TMBIM4: variants seen among roughly 807,000 people sequenced by gnomAD.
The protein encoded by TMBIM4 is protein lifeguard 4.
In TMBIM4, 28 loss-of-function variants were observed where a neutral mutation model predicts 27.7. The ratio of observed to expected loss-of-function variants is 1.01; its 90% CI spans 0.75 to 1.38. The LOEUF is 1.38. Ranked by LOEUF, TMBIM4 falls within the 40% of genes most tolerant of loss-of-function variation. The pLI is 0.00. For missense variants in TMBIM4, 265 were observed against 277.5 expected (o/e 0.95, Z 0.32); for synonymous variants, 115 against 113.1 (o/e 1.02, Z -0.11).
chr12:66,161,336 C>T (rs1195420061), intron 1 of TMBIM4, among the ~76,000 whole-genome samples: 1 of 152,122 alleles, frequency 6.6e-6, no homozygotes, highest in African/African-American at 2.4e-5. Context: ...CGCCTCCCAG[C>T]TTCAAGTGAT....
chr12:66,144,367 C>T (rs910532605), intron 5 of TMBIM4, among the ~76,000 whole-genome samples: 5 of 152,218 alleles, frequency 3.3e-5, no homozygotes, highest in African/African-American at 4.8e-5. Flanking sequence ...ATGGAATTAT[C>T]AAATCAAAAT....
At chr12:66,142,544 G>A (rs1486527554) in intron 5 of TMBIM4, among the ~76,000 whole-genome samples, 3 of 151,554 alleles carry the variant, frequency 2.0e-5, no homozygotes, top group Non-Finnish European at 2.9e-5. Context: ...ATGCTAAGAG[G>A]GCCACATGAC....
chr12:66,160,093 T>G (rs1243235515), intron 1 of TMBIM4: 1 of 662,310 alleles, frequency 1.5e-6, no homozygotes, highest in Non-Finnish European at 2.7e-6. Context: ...CTACAACTGC[T>G]TTTGCACAAT....
At chr12:66,151,278 G>A (rs1178686077) in intron 3 of TMBIM4, among the ~76,000 whole-genome samples, 2 of 152,124 alleles carry the variant, frequency 1.3e-5, no homozygotes, top group East Asian at 3.9e-4. Flanking sequence ...CTGTCACTCA[G>A]GCTGGAGTTT....
At chr12:66,147,991 T>A (rs1331238987) in intron 3 of TMBIM4, 50 bp from the exon 4 acceptor site, 1 of 1,531,844 alleles carries the variant, frequency 6.5e-7, no homozygotes, top group South Asian at 1.2e-5. Flanking sequence ...TACTATCTCA[T>A]GTACATTTTC....
chr12:66,165,558 C>T (rs1245661040), intron 1 of TMBIM4, among the ~76,000 whole-genome samples: 1 of 152,052 alleles, frequency 6.6e-6, no homozygotes, highest in Non-Finnish European at 1.5e-5. Flanking sequence ...GTTAGGATTA[C>T]AGGCGTGAAC....
At chr12:66,145,705 A>G (rs2051740022) in intron 5 of TMBIM4, 136 bp downstream of exon 5, 1 of 536,468 alleles carries the variant, frequency 1.9e-6, no homozygotes, top group South Asian at 3.2e-5. Flanking sequence ...TGGCCCTAGT[A>G]CTCAAAGAGA....
intron 1 of TMBIM4, 55 bp from the exon 2 acceptor site, chr12:66,153,503 G>T (rs2136867419): frequency 9.3e-7 from 1 of 1,073,728 alleles, no homozygotes; most frequent in Non-Finnish European, 1.3e-6. Context: ...TCATAGAACA[G>T]TAAAATCAAA....
chr12:66,136,146 GTTTA>G lies in TMBIM4; in HGVS notation c.*1810_*1813del, dbSNP rs960854507. 4 of 146,320 alleles carry G rather than the reference GTTTA, an allele frequency of 2.7e-5. No homozygotes were observed. Among genetic ancestry groups the G allele is most frequent in the Admixed American group, 1.4e-4 (2 of 13,960 alleles). 9.1% of individuals were successfully genotyped at this position (146,320 alleles called of 1,614,324 possible). On this transcript the variant is annotated 3_prime_UTR_variant, in exon 7 of 7. Coordinates refer to ENST00000358230, the MANE Select transcript of TMBIM4 (RefSeq NM_016056.4). Reference sequence around the variant, plus strand: ...TGACATTAATTAAGCACTTAGTTTAGTTTATTTATCTATCTCATTTAATCCTTAT... The same window carrying G: ...TGACATTAATTAAGCACTTAGTTTAGTTTATCTATCTCATTTAATCCTTAT...
At chr12:66,161,145 C>A (rs1174208957) in intron 1 of TMBIM4, 1 of 152,286 alleles carries the variant, frequency 6.6e-6, no homozygotes, top group South Asian at 2.1e-4. Flanking sequence ...TTAGTAGCTT[C>A]ATGATTTGTT....
chr12:66,153,641 CT>C (rs1369910982), intron 1 of TMBIM4, among the ~76,000 whole-genome samples, 193 bp from the exon 2 acceptor site: 2 of 151,932 alleles, frequency 1.3e-5, no homozygotes, highest in African/African-American at 4.8e-5. Flanking sequence ...TAAGAGATAT[CT>C]AAACCTCTCT....
chr12:66,160,361 C>G, intron 1 of TMBIM4: 3 of 582,008 alleles, frequency 5.2e-6, no homozygotes, highest in Non-Finnish European at 9.3e-6. Flanking sequence ...TATCATTTCA[C>G]TTCCAAAAAT....
intron 1 of TMBIM4, among the ~76,000 whole-genome samples, chr12:66,156,602 T>C (rs370476497): frequency 2.0e-5 from 3 of 152,218 alleles, no homozygotes; most frequent in East Asian, 1.9e-4. Flanking sequence ...AACCATATCA[T>C]GTGACTCTGC....
intron 1 of TMBIM4, among the ~76,000 whole-genome samples, chr12:66,161,990 C>T (rs940007155): frequency 1.3e-5 from 2 of 152,088 alleles, no homozygotes; most frequent in Non-Finnish European, 2.9e-5. Context: ...TGCTTCTCTA[C>T]GTTGCTGTCA....
chr12:66,138,794 T>C, intron 5 of TMBIM4, 25 bp from the exon 6 acceptor site: 1 of 1,512,564 alleles, frequency 6.6e-7, no homozygotes, highest in South Asian at 1.3e-5. Flanking sequence ...TTTTAGTAAT[T>C]TGCAATATTG....
rs1181725128 is a variant in TMBIM4, at chr12:66,137,448, T to G, written c.*512A>C. On this transcript the variant is annotated 3_prime_UTR_variant, in exon 7 of 7. Transcript: ENST00000358230. ...GTCTCGCTCTGTCACCAGGCTGGAATGCAGTGGCGTGATCTTGGCTCAATG... is the reference window on the plus strand; with the variant it reads ...GTCTCGCTCTGTCACCAGGCTGGAAGGCAGTGGCGTGATCTTGGCTCAATG... 1 of 152,384 alleles carries G rather than the reference T, an allele frequency of 6.6e-6. No individual in the cohort carries two copies. The highest frequency in any genetic ancestry group is 1.5e-5 in the Non-Finnish European group (1 of 68,306). The allele number at this position is 152,384 out of a possible 1,614,324, so 9.4% of individuals were successfully genotyped here.
In TMBIM4 at chr12:66,137,841, ATTG is replaced by A. The variant is rs1329230503; in HGVS notation, c.*116_*118del. The stretch of plus-strand genomic sequence containing the variant: ...ATAAAGATTGTAACAGTATTTAATC[ATTG>A]TTTCAAACTTTATTACTTAATGAAA... On this transcript the variant is annotated 3_prime_UTR_variant, in exon 7 of 7. Coordinates refer to ENST00000358230, the MANE Select transcript of TMBIM4 (RefSeq NM_016056.4). 13 of 313,928 alleles carry A rather than the reference ATTG, an allele frequency of 4.1e-5. No individual in the cohort carries two copies. The highest frequency in any genetic ancestry group is 1.8e-4 in the East Asian group (3 of 16,476). The allele number at this position is 313,928 out of a possible 1,614,324, so 19.4% of individuals were successfully genotyped here.
chr12:66,138,718 A>G lies in TMBIM4; in HGVS notation c.510+6T>C. The stretch of plus-strand genomic sequence containing the variant: ...ATTTCAAATTAACCATTATAACATA[A>G]CTTACCTTCAAGAATCCTGACAGGC... On this transcript the variant is annotated splice_donor_region_variant and intron_variant, in intron 6 of 6. Transcript: ENST00000358230. 1 of 1,549,146 alleles carries G rather than the reference A, an allele frequency of 6.5e-7. No individual in the cohort carries two copies. Among genetic ancestry groups the G allele is most frequent in the Non-Finnish European group, 8.7e-7 (1 of 1,156,042 alleles).
intron 5 of TMBIM4, among the ~76,000 whole-genome samples, chr12:66,139,883 A>G (rs542068769): frequency 1.3e-5 from 2 of 152,312 alleles, no homozygotes; most frequent in East Asian, 3.9e-4. Flanking sequence ...CTCGTAAGAC[A>G]TGCACTGAGT....
Sources: gnomAD v4.1 joint callset for allele counts (sites outside exome capture counted in the v4.1 genomes callset) on GRCh38, gnomAD v4.1.1 for gene constraint, MANE v1.5 for transcripts, NCBI Gene and HGNC (gene_info 2026-07-23, HGNC 2026-07-21) for gene names.